Variants in INPP5B observed in about 807,000 individuals in gnomAD.
INPP5B encodes the protein inositol polyphosphate-5-phosphatase B.
INPP5B carries 90 observed loss-of-function variants against 118.5 expected under a neutral mutation model. The observed-to-expected ratio is 0.76, with a 90% CI of 0.64 to 0.90. The LOEUF is 0.90. Among genes scored for constraint, INPP5B ranks in the 40% least tolerant of loss-of-function variants. The pLI, the probability that INPP5B is intolerant of heterozygous loss-of-function variation, is 0.00. For missense variants in INPP5B, 984 were observed against 1,125.6 expected (o/e 0.87, Z 1.80); for synonymous variants, 385 against 418.9 (o/e 0.92, Z 0.99).
chr1:37,901,356 G>C (rs989803921), intron 7 of INPP5B, among the ~76,000 whole-genome samples: 2 of 152,138 alleles, frequency 1.3e-5, no homozygotes, highest in Admixed American at 1.3e-4. Flanking sequence ...TCTATAAAGT[G>C]GGGATTTTAA....
chr1:37,944,666 C>G (rs1230883091), intron 3 of INPP5B, among the ~76,000 whole-genome samples: 5 of 151,556 alleles, frequency 3.3e-5, no homozygotes, highest in Non-Finnish European at 7.4e-5. Flanking sequence ...ACTGTAATCT[C>G]AAACTCCTCG....
At chr1:37,896,233 C>T (rs1344902437) in intron 7 of INPP5B, among the ~76,000 whole-genome samples, 1 of 150,536 alleles carries the variant, frequency 6.6e-6, no homozygotes, top group South Asian at 2.1e-4. Flanking sequence ...GACCCTCTGC[C>T]TGGCAACCGC....
intron 7 of INPP5B, among the ~76,000 whole-genome samples, chr1:37,903,847 G>A (rs754510128): frequency 3.3e-5 from 5 of 152,160 alleles, no homozygotes; most frequent in African/African-American, 9.6e-5. Flanking sequence ...CCAAGATCAC[G>A]GCATTATACT....
chr1:37,868,123 G>T (rs1028298519), intron 20 of INPP5B, among the ~76,000 whole-genome samples: 1 of 152,058 alleles, frequency 6.6e-6, no homozygotes, highest in Admixed American at 6.6e-5. Context: ...GATCACCTGA[G>T]GTCAGAAGTT....
intron 19 of INPP5B, among the ~76,000 whole-genome samples, chr1:37,871,134 G>A (rs2148460697): frequency 6.7e-6 from 1 of 148,464 alleles, no homozygotes; most frequent in Non-Finnish European, 1.5e-5. Context: ...CTCCAGCCTG[G>A]GTGACAGAGT....
chr1:37,862,498 C>T (rs1433336123), intron 23 of INPP5B, 68 bp from the exon 24 acceptor site: 23 of 934,460 alleles, frequency 2.5e-5, no homozygotes, highest in Non-Finnish European at 3.3e-5. Flanking sequence ...CATCACTTAA[C>T]GACAGGGATA....
chr1:37,917,714 G>T (rs1178804467), intron 7 of INPP5B, among the ~76,000 whole-genome samples: 1 of 152,048 alleles, frequency 6.6e-6, no homozygotes, highest in Non-Finnish European at 1.5e-5. Flanking sequence ...AGGATGGCTT[G>T]GGACCAGGAG....
chr1:37,939,153 C>T (rs945073661), intron 6 of INPP5B, among the ~76,000 whole-genome samples: 7 of 149,200 alleles, frequency 4.7e-5, no homozygotes, highest in Non-Finnish European at 7.4e-5. Context: ...AAGGTCGTAC[C>T]ACCACACTGC....
intron 7 of INPP5B, among the ~76,000 whole-genome samples, chr1:37,920,770 A>T (rs1031575247): frequency 6.6e-6 from 1 of 151,888 alleles, no homozygotes; most frequent in East Asian, 1.9e-4. Context: ...GATCACAAGC[A>T]TGTTACCCTA....
chr1:37,923,784 T>C (rs534525689), intron 7 of INPP5B, among the ~76,000 whole-genome samples: 1 of 150,284 alleles, frequency 6.7e-6, no homozygotes, highest in South Asian at 2.1e-4. Flanking sequence ...TGCAGTTCTT[T>C]TTTTTTTTTG....
intron 12 of INPP5B, among the ~76,000 whole-genome samples, chr1:37,886,382 A>G (rs1643537908): frequency 6.6e-6 from 1 of 152,044 alleles, no homozygotes; most frequent in Admixed American, 6.6e-5. Flanking sequence ...TCAGCCTCCC[A>G]AAGTGCTGGG....
At chr1:37,917,294 A>G (rs572915812) in intron 7 of INPP5B, among the ~76,000 whole-genome samples, 93 of 70,970 alleles carry the variant, frequency 1.3e-3, no homozygotes, top group Middle Eastern at 5.6e-3. Flanking sequence ...GTCTCGGGGG[A>G]AAAAAAAAAA....
chr1:37,910,875 C>A (rs1042094068), intron 7 of INPP5B, among the ~76,000 whole-genome samples: 1 of 152,152 alleles, frequency 6.6e-6, no homozygotes, highest in Non-Finnish European at 1.5e-5. Flanking sequence ...CCCTCCACAA[C>A]CCATTATTCT....
chr1:37,919,058 C>T (rs1192569549), intron 7 of INPP5B, among the ~76,000 whole-genome samples: 1 of 152,220 alleles, frequency 6.6e-6, no homozygotes, highest in Non-Finnish European at 1.5e-5. Flanking sequence ...AAACCCAGAT[C>T]TGCTTGACTC....
chr1:37,909,640 A>T (rs1178291756), intron 7 of INPP5B, among the ~76,000 whole-genome samples: 1 of 152,184 alleles, frequency 6.6e-6, no homozygotes, highest in Non-Finnish European at 1.5e-5. Context: ...TTACCGCCCT[A>T]GACCCAGAGG....
chr1:37,868,454 A>G (rs1642186971), intron 20 of INPP5B, 47 bp downstream of exon 20: 1 of 1,304,870 alleles, frequency 7.7e-7, no homozygotes, highest in Non-Finnish European at 1.1e-6. Flanking sequence ...GATGGTCCTC[A>G]AGGCAGCCTG....
Position 37,881,643 on chromosome 1 carries a change from G to C in INPP5B, c.1431+1164C>G, listed in dbSNP as rs148551731. Among the ~76,000 whole-genome samples, 686 of 152,272 alleles carry C rather than the reference G, an allele frequency of 4.5e-3. 4 individuals carry two copies. Among genetic ancestry groups the C allele is most frequent in the African/African-American group, 0.016 (662 of 41,554 alleles). ...GGTAGGCAGATAACACACAAAATGG[G>C]TACAACTACTTCAGGAAAGACCAGA... On this transcript the variant is annotated intron_variant, in intron 14 of 23. Transcript: ENST00000373024.
At chr1:37,875,803 A>G (rs772458598) in intron 16 of INPP5B, 87 bp from the exon 17 acceptor site, 3 of 789,240 alleles carry the variant, frequency 3.8e-6, no homozygotes, top group Non-Finnish European at 6.5e-6. Flanking sequence ...GCACTGGGAA[A>G]TAGCAGTTGA....
At chr1:37,918,639 A>G (rs1473835162) in intron 7 of INPP5B, among the ~76,000 whole-genome samples, 1 of 152,236 alleles carries the variant, frequency 6.6e-6, no homozygotes, top group African/African-American at 2.4e-5. Context: ...AATAAAATAG[A>G]GCTGGTGATG....
Sources: gnomAD v4.1 joint callset for allele counts (sites outside exome capture counted in the v4.1 genomes callset) on GRCh38, gnomAD v4.1.1 for gene constraint, MANE v1.5 for transcripts, NCBI Gene and HGNC (gene_info 2026-07-23, HGNC 2026-07-21) for gene names.